CELF2: variants seen among roughly 807,000 people sequenced by gnomAD.
CELF2 encodes the protein CUG triplet repeat RNA-binding protein 2.
In CELF2, 8 loss-of-function variants were observed where a neutral mutation model predicts 62.6. The ratio of observed to expected loss-of-function variants is 0.13; its 90% CI spans 0.07 to 0.23. The LOEUF (loss-of-function observed/expected upper bound fraction) is 0.23, where lower values mean the gene tolerates loss of function less well. Among genes scored for constraint, CELF2 ranks in the 10% least tolerant of loss-of-function variants. CELF2 has a pLI of 1.00. For missense variants in CELF2, 333 were observed against 671.0 expected, an observed-to-expected ratio of 0.50 and a Z score of 5.56; for synonymous variants, 258 against 250.0, an observed-to-expected ratio of 1.03 and a Z score of -0.30.
intron 1 of CELF2, among the ~76,000 whole-genome samples, chr10:11,076,281 C>T (rs1428189978): frequency 6.6e-6 from 1 of 152,050 alleles, no homozygotes; most frequent in East Asian, 1.9e-4. Flanking sequence ...AGAACTTTGT[C>T]TTAGAATTGT....
the CELF2 span, among the ~76,000 whole-genome samples, chr10:10,620,917 CAAAAAAAAAA>C: frequency 5.6e-5 from 2 of 35,806 alleles, no homozygotes; most frequent in Admixed American, 4.9e-4. Flanking sequence ...GACCCCATCT[CAAAAAAAAAA>C]AAAAAAAAAA....
chr10:10,634,168 C>T, the CELF2 span, among the ~76,000 whole-genome samples: 1 of 151,934 alleles, frequency 6.6e-6, no homozygotes, highest in African/African-American at 2.4e-5. Flanking sequence ...CTATATGATG[C>T]TATGTTTTTC....
intron 2 of CELF2, among the ~76,000 whole-genome samples, chr10:10,942,149 T>C (rs1004727077): frequency 6.6e-6 from 1 of 152,218 alleles, no homozygotes; most frequent in Non-Finnish European, 1.5e-5. Flanking sequence ...TCTTTTCTAC[T>C]CTTGGATCAT....
intron 12 of CELF2, 33 bp downstream of exon 12, chr10:11,326,012 G>A: frequency 6.3e-7 from 1 of 1,591,360 alleles, no homozygotes; most frequent in Non-Finnish European, 8.6e-7. Context: ...GTATATTGCA[G>A]TAGGTTCCCA....
In CELF2 at chr10:11,012,818, G is replaced by T. The variant is rs1163816232; in HGVS notation, c.53+7378G>T. Among the ~76,000 whole-genome samples the T allele has an allele frequency of 6.6e-6, 1 of 152,120 alleles. No homozygotes were observed. Among genetic ancestry groups the T allele is most frequent in the Non-Finnish European group, 1.5e-5 (1 of 68,006 alleles). On this transcript the variant is annotated intron_variant, in intron 1 of 12. Transcript: ENST00000416382. This position sits in a 1 kb window ranked among gnomAD's most constrained non-coding sequence, Gnocchi z 5.5. The stretch of plus-strand genomic sequence containing the variant: ...AGGCTGGCACCAGATAAGGGCACTT[G>T]GTATGGTTTGACAAATCTCGGCATC...
intron 1 of CELF2, among the ~76,000 whole-genome samples, chr10:11,131,243 A>G (rs796594136): frequency 2.8e-4 from 42 of 152,346 alleles, no homozygotes; most frequent in African/African-American, 9.1e-4. Context: ...TAAGAGTGTC[A>G]TACAGGAAAC....
intron 2 of CELF2, among the ~76,000 whole-genome samples, chr10:10,922,507 G>A (rs1030067706): frequency 2.4e-4 from 36 of 152,210 alleles, no homozygotes; most frequent in African/African-American, 8.7e-4. Flanking sequence ...AAATGATTCA[G>A]ATGTCTGAGA....
Position 10,931,887 on chromosome 10 carries a change from T to C in CELF2, c.89+11888T>C, listed in dbSNP as rs1425775403. On this transcript the variant is annotated intron_variant, in intron 2 of 13. Coordinates refer to the CELF2 transcript ENST00000636488. This position sits in a 1 kb window ranked among gnomAD's most constrained non-coding sequence, Gnocchi z 6.1. ...AACCATGGCAGAAGGTGAATGAGGA[T>C]CAAAGTCATGTCTTACATGGTGGCT... Among the ~76,000 whole-genome samples the C allele has an allele frequency of 6.6e-6, 1 of 152,112 alleles. No homozygotes were observed. The highest frequency in any genetic ancestry group is 1.5e-5 in the Non-Finnish European group (1 of 68,014).
At chr10:10,664,271 C>T in the CELF2 span, among the ~76,000 whole-genome samples, 1 of 152,180 alleles carries the variant, frequency 6.6e-6, no homozygotes. Context: ...GAAATCACTA[C>T]TCAGTTCAAA....
chr10:11,262,397 C>G (rs539115236), intron 5 of CELF2, among the ~76,000 whole-genome samples: 34 of 152,302 alleles, frequency 2.2e-4, no homozygotes, highest in African/African-American at 8.2e-4. Context: ...CAAGCATGTA[C>G]ACAGAAATGA....
chr10:11,134,903 A>G (rs1007483035), intron 1 of CELF2, among the ~76,000 whole-genome samples: 2 of 152,174 alleles, frequency 1.3e-5, no homozygotes, highest in Admixed American at 6.5e-5. Context: ...CTTTTCTGTA[A>G]TTGAAATAGC....
At chr10:11,087,367 G>A (rs1407503864) in intron 1 of CELF2, among the ~76,000 whole-genome samples, 1 of 152,200 alleles carries the variant, frequency 6.6e-6, no homozygotes, top group Non-Finnish European at 1.5e-5. Context: ...AACCTAAAGA[G>A]TCCTAGGACT....
At chr10:10,783,524 G>A in the CELF2 span, among the ~76,000 whole-genome samples, 1 of 152,184 alleles carries the variant, frequency 6.6e-6, no homozygotes, top group African/African-American at 2.4e-5. Flanking sequence ...CCAGAAGTAT[G>A]AGACAATAAA....
At position 11,177,247 on chromosome 10, in the gene CELF2, T is replaced by C. The variant is rs918691537; in HGVS notation, c.271+11565T>C. Among the ~76,000 whole-genome samples, 3 of 152,184 alleles carry C rather than the reference T, an allele frequency of 2.0e-5. No individual in the cohort carries two copies. The highest frequency in any genetic ancestry group is 6.5e-5 in the Admixed American group (1 of 15,274). ...AATGTTTAGTAGGGAGGTATTAAAA[T>C]TAATAGCAATTCTGAGTAAGTTCCT... On this transcript the variant is annotated intron_variant, in intron 2 of 12. Transcript: ENST00000633077. This position sits in a 1 kb window ranked among gnomAD's most constrained non-coding sequence, Gnocchi z 4.8.
At chr10:10,670,271 C>G in the CELF2 span, among the ~76,000 whole-genome samples, 1 of 152,088 alleles carries the variant, frequency 6.6e-6, no homozygotes, top group African/African-American at 2.4e-5. Context: ...GATTTTCAGC[C>G]CCAATCTGAG....
At chr10:10,742,612 A>AT in the CELF2 span, among the ~76,000 whole-genome samples, 1 of 149,296 alleles carries the variant, frequency 6.7e-6, no homozygotes, top group Non-Finnish European at 1.5e-5. Flanking sequence ...AAAAAAGAAC[A>AT]TTTTTACTCA....
chr10:11,278,569 A>G (rs1011210514), intron 8 of CELF2, among the ~76,000 whole-genome samples: 1 of 152,206 alleles, frequency 6.6e-6, no homozygotes, highest in African/African-American at 2.4e-5. Context: ...TATAACAACT[A>G]TCAACTCAGA....
chr10:10,919,573 T>C (rs2064686798), intron 1 of CELF2, among the ~76,000 whole-genome samples: 1 of 152,212 alleles, frequency 6.6e-6, no homozygotes, highest in Middle Eastern at 3.2e-3. Context: ...AAGGAATACA[T>C]TTCTCAGAGA....
rs1593220101 is a variant in CELF2, at chr10:11,018,244, C to T, written c.74+81C>T. The T allele has an allele frequency of 1.4e-5, 18 of 1,246,864 alleles. No homozygotes were observed. The South Asian group carries it at 2.4e-4, about 17-fold the overall frequency. The allele number at this position is 1,246,864 out of a possible 1,614,324, so 77.2% of individuals were successfully genotyped here. A position where few individuals can be genotyped will look rare whatever the true frequency, so the allele number is the denominator to read the frequency against. ...GCGGCGCGAAGGGGACGGGCGTCGC[C>T]CGCAGCTCCCGGGCGCGACTCGGCC... On this transcript the variant is annotated intron_variant, in intron 1 of 12. Coordinates refer to ENST00000633077, the MANE Select transcript of CELF2 (RefSeq NM_001326342.2).
Sources: gnomAD v4.1 joint callset for allele counts (sites outside exome capture counted in the v4.1 genomes callset) on GRCh38, gnomAD v4.1.1 for gene constraint, Gnocchi (gnomAD v3.1) non-coding constraint, MANE v1.5 for transcripts, NCBI Gene and HGNC (gene_info 2026-07-23, HGNC 2026-07-21) for gene names.